BLNK: variants seen among roughly 807,000 people sequenced by gnomAD.
BLNK encodes B cell linker.
A neutral mutation model predicts 73.5 loss-of-function variants in BLNK; 29 were observed. That is an observed-to-expected ratio of 0.39 (90% CI 0.29 to 0.54). The LOEUF (loss-of-function observed/expected upper bound fraction) is 0.54. BLNK is among the 20% of genes least tolerant of loss of function. The probability of loss-of-function intolerance (pLI) is 0.61; values close to 1 mark genes in which losing one functional copy is unlikely to be tolerated. For synonymous variants in BLNK, 176 were observed against 200.8 expected (o/e 0.88, Z 1.04); for missense variants, 460 against 562.8 (o/e 0.82, Z 1.85).
intron 6 of BLNK, among the ~76,000 whole-genome samples, chr10:96,223,030 T>A (rs4917726): frequency 5.4e-5 from 8 of 149,094 alleles, no homozygotes; most frequent in African/African-American, 2.1e-4. Context: ...AAACTGGTGA[T>A]GAGCAGTTTC....
chr10:96,229,784 A>G (rs1199863012), intron 4 of BLNK, among the ~76,000 whole-genome samples: 1 of 151,874 alleles, frequency 6.6e-6, no homozygotes, highest in Non-Finnish European at 1.5e-5. Flanking sequence ...CTCCATGACC[A>G]AGAGATGGGC....
chr10:96,236,002 A>G (rs1174685313), intron 3 of BLNK, among the ~76,000 whole-genome samples: 6 of 152,008 alleles, frequency 3.9e-5, no homozygotes, highest in Non-Finnish European at 8.8e-5. Context: ...TCAGGCATGG[A>G]AAGACGAAAG....
chr10:96,235,304 C>A (rs1269244749), intron 3 of BLNK, among the ~76,000 whole-genome samples: 1 of 152,168 alleles, frequency 6.6e-6, no homozygotes, highest in African/African-American at 2.4e-5. Context: ...GTAAAGGGCT[C>A]AATGAATGTT....
intron 3 of BLNK, among the ~76,000 whole-genome samples, chr10:96,234,918 C>T (rs1369144179): frequency 6.6e-6 from 1 of 152,212 alleles, no homozygotes. Flanking sequence ...AGCTGAGATC[C>T]TGGGCGGGCC....
chr10:96,251,796 G>A (rs782745888), intron 1 of BLNK, among the ~76,000 whole-genome samples: 8 of 152,026 alleles, frequency 5.3e-5, no homozygotes, highest in Admixed American at 1.3e-4. Context: ...ATTAAGACAC[G>A]TAACTTAGTC....
At chr10:96,252,351 C>T (rs1843321236) in intron 1 of BLNK, among the ~76,000 whole-genome samples, 1 of 152,168 alleles carries the variant, frequency 6.6e-6, no homozygotes, top group Non-Finnish European at 1.5e-5. Context: ...ATGCCCAGCT[C>T]CTGCATTTCT....
intron 7 of BLNK, 88 bp downstream of exon 7, chr10:96,216,565 G>A: frequency 8.7e-7 from 1 of 1,155,040 alleles, no homozygotes; most frequent in Non-Finnish European, 1.3e-6. Context: ...TGTCATTTCT[G>A]AGCCTCTTAG....
chr10:96,253,887 G>A (rs1050720141), intron 1 of BLNK, among the ~76,000 whole-genome samples: 1 of 152,046 alleles, frequency 6.6e-6, no homozygotes, highest in Admixed American at 6.5e-5. Flanking sequence ...CGGGCATGGT[G>A]GCGGGCGCCT....
intron 6 of BLNK, among the ~76,000 whole-genome samples, chr10:96,221,611 T>A (rs587692948): frequency 6.6e-6 from 1 of 152,234 alleles, no homozygotes; most frequent in South Asian, 2.1e-4. Flanking sequence ...CCTGACTCCC[T>A]GGGGTCCATT....
chr10:96,227,311 C>G, intron 5 of BLNK, 99 bp downstream of exon 5: 1 of 1,508,598 alleles, frequency 6.6e-7, no homozygotes, highest in South Asian at 1.2e-5. Flanking sequence ...CAGAGGCCCT[C>G]AAGCAGCAGC....
intron 3 of BLNK, among the ~76,000 whole-genome samples, chr10:96,233,750 C>T (rs181261193): frequency 2.4e-3 from 362 of 152,298 alleles, no homozygotes; most frequent in Admixed American, 3.7e-3. Flanking sequence ...ACATGTACTT[C>T]GTTCTGTCCT....
chr10:96,196,757 G>T, intron 16 of BLNK, 151 bp downstream of exon 16: 1 of 742,370 alleles, frequency 1.3e-6, no homozygotes, highest in Non-Finnish European at 2.1e-6. Context: ...CCTAAATATA[G>T]TATTTTATCT....
intron 1 of BLNK, among the ~76,000 whole-genome samples, chr10:96,257,973 C>T (rs1298340272): frequency 3.3e-5 from 5 of 152,204 alleles, no homozygotes; most frequent in African/African-American, 1.2e-4. Context: ...AAGTTTTCAG[C>T]CACCAACCCA....
chr10:96,215,335 G>A lies in BLNK; in HGVS notation c.662C>T (p.Pro221Leu). The A allele has an allele frequency of 6.8e-6, 11 of 1,614,062 alleles. No individual in the cohort carries two copies. The highest frequency in any genetic ancestry group is 9.3e-6 in the Non-Finnish European group (11 of 1,179,958). The change falls in exon 8 of 17, where the codon CCA becomes CTA. Residue 221 changes from proline to leucine, a missense_variant. This residue lies in a region of BLNK where 233 missense variants were observed against 232.1 expected (regional missense o/e 1.00). Transcript: ENST00000224337. Reference sequence around the variant, plus strand: ...ATACACTTTACCTGAAGCTGTTCCTGGAGGAGAGGCGGGCGTTGAGGAATT... The same window carrying A: ...ATACACTTTACCTGAAGCTGTTCCTAGAGGAGAGGCGGGCGTTGAGGAATT... ...KPNSSTPASP[P>L]GTASGRNSGA...
chr10:96,247,137 G>T, intron 1 of BLNK, 88 bp from the exon 2 acceptor site: 1 of 907,410 alleles, frequency 1.1e-6, no homozygotes, highest in Non-Finnish European at 1.7e-6. Context: ...TACAAAAAAG[G>T]GGAAAAAACT....
At chr10:96,268,411 A>G (rs1274703649) in intron 1 of BLNK, among the ~76,000 whole-genome samples, 1 of 152,122 alleles carries the variant, frequency 6.6e-6, no homozygotes, top group African/African-American at 2.4e-5. Context: ...TTTACCTTAT[A>G]CAATTAAGGG....
chr10:96,207,177 A>T, intron 10 of BLNK, 124 bp from the exon 11 acceptor site: 3 of 871,682 alleles, frequency 3.4e-6, no homozygotes, highest in Non-Finnish European at 5.6e-6. Context: ...TATTCTTTCA[A>T]TCACAACAAC....
intron 1 of BLNK, among the ~76,000 whole-genome samples, chr10:96,267,342 G>C (rs1273213594): frequency 3.9e-5 from 6 of 152,288 alleles, no homozygotes; most frequent in African/African-American, 1.4e-4. Flanking sequence ...AACCTGCAGG[G>C]TGTGGTAGGT....
chr10:96,216,592 C>A, intron 7 of BLNK, 61 bp downstream of exon 7: 1 of 1,423,190 alleles, frequency 7.0e-7, no homozygotes, highest in Non-Finnish European at 9.9e-7. Context: ...CTACCAAATA[C>A]TCTTATACAT....
Sources: allele counts gnomAD v4.1 joint callset (sites outside exome capture counted in the v4.1 genomes callset), GRCh38; gene constraint gnomAD v4.1.1; regional missense constraint gnomAD v4.1.1; transcripts MANE v1.5; gene names NCBI Gene and HGNC (gene_info 2026-07-23, HGNC 2026-07-21).